VRK1: variants seen among roughly 807,000 people sequenced by gnomAD.
VRK1 encodes serine/threonine-protein kinase VRK1.
In VRK1, 33 loss-of-function variants were observed where a neutral mutation model predicts 57.1. That is an observed-to-expected ratio of 0.58 (90% CI 0.44 to 0.77). The LOEUF (loss-of-function observed/expected upper bound fraction) is 0.77. Among genes scored for constraint, VRK1 ranks in the 30% least tolerant of loss-of-function variants. The probability of loss-of-function intolerance (pLI) is 0.00; values close to 1 mark genes in which losing one functional copy is unlikely to be tolerated. For missense variants in VRK1, 413 were observed against 477.3 expected (o/e 0.87, Z 1.25); for synonymous variants, 137 against 147.8 (o/e 0.93, Z 0.53).
intron 3 of VRK1, among the ~76,000 whole-genome samples, chr14:96,844,809 T>C (rs1887611940): frequency 6.6e-6 from 1 of 152,228 alleles, no homozygotes; most frequent in Non-Finnish European, 1.5e-5. Flanking sequence ...CCCAAAGTGC[T>C]GGGATGACAG....
At chr14:96,843,411 G>C (rs2139773267) in intron 3 of VRK1, among the ~76,000 whole-genome samples, 1 of 152,272 alleles carries the variant, frequency 6.6e-6, no homozygotes, top group South Asian at 2.1e-4. Context: ...TCCTTGGAAA[G>C]AAGTTTGCAG....
chr14:96,807,545 C>G (rs1316927692), intron 1 of VRK1, among the ~76,000 whole-genome samples: 1 of 152,116 alleles, frequency 6.6e-6, no homozygotes, highest in Non-Finnish European at 1.5e-5. Context: ...AGAGTTGTAT[C>G]TCTTGTTCTA....
chr14:96,817,537 T>C (rs1046689239), intron 1 of VRK1, among the ~76,000 whole-genome samples: 10 of 152,222 alleles, frequency 6.6e-5, no homozygotes, highest in African/African-American at 2.4e-4. Flanking sequence ...ACTTCTGTTA[T>C]ACTTTATTTA....
In VRK1 at chr14:96,881,265, T is replaced by G; in HGVS notation, c.*57T>G. ...TTGTTTTCTTTTGACTTTTTTCTCC[T>G]TTTCTATTTGAACTGTTTTATTTTC... On this transcript the variant is annotated 3_prime_UTR_variant, in exon 13 of 13. Coordinates refer to ENST00000216639, the MANE Select transcript of VRK1 (RefSeq NM_003384.3). The G allele has an allele frequency of 6.7e-7, 1 of 1,490,338 alleles. No individual in the cohort carries two copies. The highest frequency in any genetic ancestry group is 9.2e-7 in the Non-Finnish European group (1 of 1,088,588). The allele number at this position is 1,490,338 out of a possible 1,614,324, so 92.3% of individuals were successfully genotyped here. A position where few individuals can be genotyped will look rare whatever the true frequency, so the allele number is the denominator to read the frequency against.
chr14:96,812,481 T>C (rs1350456418), intron 1 of VRK1, among the ~76,000 whole-genome samples: 1 of 152,200 alleles, frequency 6.6e-6, no homozygotes, highest in Non-Finnish European at 1.5e-5. Flanking sequence ...GTCTTGACTT[T>C]CATTTCCCTA....
intron 1 of VRK1, among the ~76,000 whole-genome samples, chr14:96,827,376 A>G (rs7156355): frequency 0.61 from 93,353 of 151,882 alleles, 29,473 homozygotes; most frequent in African/African-American, 0.66. Context: ...TCTTGTTGCC[A>G]TGTGCTTGTT....
intron 3 of VRK1, among the ~76,000 whole-genome samples, 172 bp from the exon 4 acceptor site, chr14:96,845,923 A>G (rs543893429): frequency 1.3e-5 from 2 of 152,302 alleles, no homozygotes; most frequent in South Asian, 4.1e-4. Context: ...ATAGACTAAT[A>G]TTTCTCTGAA....
At chr14:96,837,851 T>C in intron 3 of VRK1, 34 bp downstream of exon 3, 1 of 1,513,752 alleles carries the variant, frequency 6.6e-7, no homozygotes, top group Non-Finnish European at 8.9e-7. Context: ...GTTTCTTTTC[T>C]GTTGATTTGG....
At chr14:96,844,963 A>C (rs1887619963) in intron 3 of VRK1, among the ~76,000 whole-genome samples, 1 of 152,198 alleles carries the variant, frequency 6.6e-6, no homozygotes, top group African/African-American at 2.4e-5. Flanking sequence ...GAGTGAAGAA[A>C]AGGTGAACAT....
chr14:96,801,521 A>G (rs906529087), intron 1 of VRK1, among the ~76,000 whole-genome samples: 1 of 152,132 alleles, frequency 6.6e-6, no homozygotes, highest in Non-Finnish European at 1.5e-5. Context: ...ATTTGGCAAC[A>G]GCTATCAACA....
chr14:96,838,670 A>G (rs1739989528), intron 3 of VRK1, among the ~76,000 whole-genome samples: 1 of 152,154 alleles, frequency 6.6e-6, no homozygotes, highest in Non-Finnish European at 1.5e-5. Flanking sequence ...ACCTCCCACC[A>G]GCTCCCGCCC....
chr14:96,805,916 T>G (rs1026990591), intron 1 of VRK1, among the ~76,000 whole-genome samples: 5 of 152,212 alleles, frequency 3.3e-5, no homozygotes, highest in Non-Finnish European at 5.9e-5. Flanking sequence ...TCCACTGAAA[T>G]GTTGAGATTG....
At chr14:96,807,711 A>G (rs913275341) in intron 1 of VRK1, among the ~76,000 whole-genome samples, 1 of 152,084 alleles carries the variant, frequency 6.6e-6, no homozygotes, top group Non-Finnish European at 1.5e-5. Context: ...ATGTCTTTTC[A>G]TCCTGTTTGT....
At chr14:96,862,656 G>T (rs1339277338) in intron 11 of VRK1, among the ~76,000 whole-genome samples, 1 of 151,994 alleles carries the variant, frequency 6.6e-6, no homozygotes, top group Non-Finnish European at 1.5e-5. Flanking sequence ...TGGATGAGAA[G>T]TTGGGGGCTC....
intron 1 of VRK1, among the ~76,000 whole-genome samples, chr14:96,813,055 A>C (rs932770532): frequency 6.6e-6 from 1 of 152,238 alleles, no homozygotes; most frequent in East Asian, 1.9e-4. Flanking sequence ...TTGGTTTCAC[A>C]TCATGTGGCA....
intron 11 of VRK1, among the ~76,000 whole-genome samples, chr14:96,864,554 G>A (rs1373411880): frequency 6.6e-6 from 1 of 152,104 alleles, no homozygotes; most frequent in Admixed American, 6.6e-5. Flanking sequence ...TTGTGATAAT[G>A]CTGTTAAGAA....
At chr14:96,853,488 C>T (rs990905997) in intron 7 of VRK1, among the ~76,000 whole-genome samples, 1 of 152,072 alleles carries the variant, frequency 6.6e-6, no homozygotes, top group African/African-American at 2.4e-5. Context: ...TCTGCTTTGT[C>T]ACTTTTTTTA....
intron 2 of VRK1, among the ~76,000 whole-genome samples, chr14:96,836,755 C>T (rs2139756463): frequency 6.6e-6 from 1 of 152,118 alleles, no homozygotes; most frequent in East Asian, 1.9e-4. Context: ...CTCGGAACTC[C>T]TGACCTCAGG....
chr14:96,839,950 C>T (rs1887387632), intron 3 of VRK1, among the ~76,000 whole-genome samples: 1 of 152,156 alleles, frequency 6.6e-6, no homozygotes. Context: ...ACATACACCC[C>T]ACTTAGTCAT....
Sources: gnomAD v4.1 joint callset for allele counts (sites outside exome capture counted in the v4.1 genomes callset) on GRCh38, gnomAD v4.1.1 for gene constraint, MANE v1.5 for transcripts, NCBI Gene and HGNC (gene_info 2026-07-23, HGNC 2026-07-21) for gene names.